The following LEO1 variants were observed in gnomAD, a reference collection of about 807,000 sequenced individuals.
LEO1 encodes the protein RNA polymerase-associated protein LEO1.
In LEO1, 34 loss-of-function variants were observed where a neutral mutation model predicts 80.4. The observed-to-expected ratio is 0.42, with a 90% confidence interval of 0.32 to 0.56. The LOEUF (loss-of-function observed/expected upper bound fraction) is 0.56. Ranked by LOEUF, LEO1 falls within the 20% of genes least tolerant of loss-of-function variation. LEO1 has a pLI of 0.10. For missense variants in LEO1, 631 were observed against 814.2 expected, an observed-to-expected ratio of 0.77 and a Z score of 2.74; for synonymous variants, 262 against 274.9, an observed-to-expected ratio of 0.95 and a Z score of 0.46.
chr15:51,953,857 G>A (rs1237008497), intron 7 of LEO1, among the ~76,000 whole-genome samples: 1 of 151,972 alleles, frequency 6.6e-6, no homozygotes, highest in Admixed American at 6.6e-5. Flanking sequence ...CAGCACTTGG[G>A]AGATGGGAGG....
In LEO1 at chr15:51,966,425, A is replaced by T. The variant is rs1283088755; in HGVS notation, c.138T>A (p.Asp46Glu). 6.2e-7 allele frequency: 1 copy of T among 1,613,976 alleles called. No homozygotes were observed. Among genetic ancestry groups the T allele is most frequent in the African/African-American group, 1.3e-5 (1 of 74,912 alleles). The change falls in exon 2 of 12, where the codon GAT becomes GAA. Residue 46 changes from aspartate (D) to glutamate (E), a missense_variant. By Grantham distance (45) the Asp-to-Glu change is conservative (BLOSUM62 2). This residue lies in a region of LEO1 where 394 missense variants were observed against 395.6 expected (regional missense o/e 1.00). Transcript: ENST00000299601. The stretch of plus-strand genomic sequence containing the variant: ...GTCCTGAATCACCTCTTTCATCCTG[A>T]TCACTTTCACTTCCAGAGGCATTAC... ...SGSNASGSES[D>E]QDERGDSGQP... is the part of the protein sequence containing the mutation.
chr15:51,949,979 A>G lies in LEO1; in HGVS notation c.1627T>C (p.Leu543=), dbSNP rs201256211. 5 of 1,611,858 alleles carry G rather than the reference A, an allele frequency of 3.1e-6. No homozygotes were observed. Among genetic ancestry groups the G allele is most frequent in the Non-Finnish European group, 3.4e-6 (4 of 1,179,504 alleles). ...TEMIKKEEER[L]RASIRRESQQ... The stretch of plus-strand genomic sequence containing the variant: ...GATTCCCTACGTATGGAAGCCCTCA[A>G]ACGTTCTTCTTCTTTCTGTAAAGAA... Residue 543 remains leucine, a synonymous_variant, in exon 10 of 12, where the codon TTG becomes CTG. Transcript: ENST00000299601.
At chr15:51,947,603 T>G (rs372036065) in intron 10 of LEO1, among the ~76,000 whole-genome samples, 1 of 152,084 alleles carries the variant, frequency 6.6e-6, no homozygotes, top group African/African-American at 2.4e-5. Context: ...TTTTTCTTTT[T>G]AGTGGAGATG....
At chr15:51,940,254 C>G (rs1267777401) in intron 11 of LEO1, among the ~76,000 whole-genome samples, 1 of 37,934 alleles carries the variant, frequency 2.6e-5, no homozygotes, top group South Asian at 1.2e-3. Flanking sequence ...GACTCCGTAT[C>G]AAAAAAAAAA....
rs111716452 is a variant in LEO1 at position 51,966,858 on chromosome 15, C to T, written c.59-354G>A. ...CCCGGGAGGCAGAAGTTGCAGTGAGCGGAGATCAAGCCACTGCACTCCAGC... is the reference window on the plus strand; with the variant it reads ...CCCGGGAGGCAGAAGTTGCAGTGAGTGGAGATCAAGCCACTGCACTCCAGC... On this transcript the variant is annotated intron_variant, in intron 1 of 11. Coordinates refer to ENST00000299601, the MANE Select transcript of LEO1 (RefSeq NM_138792.4). Among the ~76,000 whole-genome samples, 385 of 151,522 alleles carry T rather than the reference C, an allele frequency of 2.5e-3. No individual in the cohort carries two copies. The Middle Eastern group carries it at 0.027, about 11-fold the overall frequency.
chr15:51,947,624 A>G (rs943065208), intron 10 of LEO1, among the ~76,000 whole-genome samples: 1 of 151,730 alleles, frequency 6.6e-6, no homozygotes, highest in Non-Finnish European at 1.5e-5. Context: ...AAGTCTTGCC[A>G]TGTTGCCCAG....
At chr15:51,943,358 G>A (rs982688335) in intron 11 of LEO1, among the ~76,000 whole-genome samples, 17 of 150,002 alleles carry the variant, frequency 1.1e-4, no homozygotes, top group Non-Finnish European at 2.2e-4. Flanking sequence ...CAGCCTGGGC[G>A]ACAGTGTGAA....
intron 10 of LEO1, among the ~76,000 whole-genome samples, chr15:51,948,411 T>C (rs1271505829): frequency 6.6e-6 from 1 of 152,166 alleles, no homozygotes; most frequent in Admixed American, 6.6e-5. Flanking sequence ...TGAATCTTTT[T>C]CTATGGGAAA....
chr15:51,941,318 A>C (rs990531090), intron 11 of LEO1, among the ~76,000 whole-genome samples: 1 of 152,188 alleles, frequency 6.6e-6, no homozygotes, highest in Non-Finnish European at 1.5e-5. Flanking sequence ...GTCTAAAAGA[A>C]AGCTTGCTAA....
chr15:51,971,266 A>G (rs1336712369), intron 1 of LEO1, among the ~76,000 whole-genome samples: 1 of 152,168 alleles, frequency 6.6e-6, no homozygotes, highest in Non-Finnish European at 1.5e-5. Flanking sequence ...TCAAGACGGC[A>G]TTCTGAGGCC....
chr15:51,964,810 CTTAA>C (rs1191406799), intron 2 of LEO1, among the ~76,000 whole-genome samples: 11 of 152,160 alleles, frequency 7.2e-5, no homozygotes, highest in Non-Finnish European at 1.2e-4. Flanking sequence ...AAGACTTCAA[CTTAA>C]TTAAGGTAAC....
chr15:51,952,788 C>T (rs2056959824), intron 8 of LEO1, among the ~76,000 whole-genome samples: 1 of 152,120 alleles, frequency 6.6e-6, no homozygotes, highest in Admixed American at 6.6e-5. Flanking sequence ...ATTAGTCTCC[C>T]AGGTCAATTT....
At chr15:51,959,789 C>T (rs754823411) in intron 5 of LEO1, 110 bp downstream of exon 5, 44 of 1,013,646 alleles carry the variant, frequency 4.3e-5, no homozygotes, top group South Asian at 1.3e-4. Context: ...CAGAGATACA[C>T]GATCAATTTT....
At chr15:51,959,811 AT>A in intron 5 of LEO1, 87 bp downstream of exon 5, 1 of 1,256,814 alleles carries the variant, frequency 8.0e-7, no homozygotes, top group Non-Finnish European at 1.1e-6. Context: ...CGTTTTTGTG[AT>A]TTGTCAACTC....
intron 11 of LEO1, among the ~76,000 whole-genome samples, chr15:51,941,886 G>A (rs1404637322): frequency 6.6e-6 from 1 of 152,204 alleles, no homozygotes; most frequent in African/African-American, 2.4e-5. Flanking sequence ...ATCAGATGAG[G>A]AAATAGAGAT....
intron 11 of LEO1, among the ~76,000 whole-genome samples, chr15:51,940,466 CA>C (rs2056841191): frequency 6.6e-6 from 1 of 150,910 alleles, no homozygotes; most frequent in African/African-American, 2.4e-5. Context: ...GAGGCTGAGG[CA>C]AGGGAATTGC....
intron 11 of LEO1, among the ~76,000 whole-genome samples, chr15:51,939,978 G>A (rs909938377): frequency 5.3e-5 from 8 of 152,274 alleles, no homozygotes; most frequent in South Asian, 4.1e-4. Context: ...AGGACCGGCC[G>A]GGCGCGATGG....
chr15:51,964,804 C>G (rs62016239), intron 2 of LEO1, among the ~76,000 whole-genome samples: 1,997 of 152,264 alleles, frequency 0.013, 26 homozygotes, highest in Non-Finnish European at 0.016. Context: ...TTCAGGAAGA[C>G]TTCAACTTAA....
At chr15:51,968,520 T>A (rs2141784453) in intron 1 of LEO1, among the ~76,000 whole-genome samples, 1 of 150,890 alleles carries the variant, frequency 6.6e-6, no homozygotes, top group East Asian at 2.0e-4. Context: ...AAGGGGAGAC[T>A]CTGTCTCCAA....
Sources: allele counts gnomAD v4.1 joint callset (sites outside exome capture counted in the v4.1 genomes callset), GRCh38; gene constraint gnomAD v4.1.1; regional missense constraint gnomAD v4.1.1; transcripts MANE v1.5; gene names NCBI Gene and HGNC (gene_info 2026-07-23, HGNC 2026-07-21).